RGS20: variants seen among roughly 807,000 people sequenced by gnomAD.
RGS20 encodes the protein gz-selective GTPase-activating protein.
RGS20 carries 30 observed loss-of-function variants against 33.6 expected under a neutral mutation model. The observed-to-expected ratio is 0.89, with a 90% CI of 0.67 to 1.21. RGS20 has a LOEUF of 1.21. Ranked by LOEUF, RGS20 falls within the 50% of genes most tolerant of loss-of-function variation. RGS20 has a pLI of 0.00. For missense variants in RGS20, 472 were observed against 502.4 expected, an observed-to-expected ratio of 0.94 and a Z score of 0.58; for synonymous variants, 208 against 197.9, an observed-to-expected ratio of 1.05 and a Z score of -0.43.
intron 1 of RGS20, among the ~76,000 whole-genome samples, chr8:53,875,806 T>C (rs1410204047): frequency 6.6e-6 from 1 of 152,230 alleles, no homozygotes; most frequent in Non-Finnish European, 1.5e-5. Flanking sequence ...TTAAGAGTTG[T>C]ATGTTCACAA....
At chr8:53,937,152 G>A (rs1031048896) in intron 2 of RGS20, among the ~76,000 whole-genome samples, 1 of 152,042 alleles carries the variant, frequency 6.6e-6, no homozygotes, top group Non-Finnish European at 1.5e-5. Context: ...GGAGTTGGGG[G>A]GAGAGGGGAA....
At chr8:53,901,821 G>GCACTC (rs145856103) in intron 2 of RGS20, among the ~76,000 whole-genome samples, 2,856 of 152,198 alleles carry the variant, frequency 0.019, 88 homozygotes, top group African/African-American at 0.064. Context: ...AATAGCCACT[G>GCACTC]CACTCCACTG....
At position 53,958,286 on chromosome 8, in the gene RGS20, G is replaced by C; in HGVS notation, c.995G>C (p.Arg332Pro). The change falls in exon 6 of 6, where the codon CGG becomes CCG. Residue 332 changes from arginine to proline, a missense_variant. Physicochemically the swap from Arg to Pro is moderately radical, Grantham distance 103 (BLOSUM62 -2). Transcript: ENST00000297313. ...TGTCGACAGGTGAGCTTAGACTCCC[G>C]GGTGAGAGAAGTGATCAACAGAAAC... 1 of 1,611,756 alleles carries C rather than the reference G, an allele frequency of 6.2e-7. No individual in the cohort carries two copies. The highest frequency in any genetic ancestry group is 8.5e-7 in the Non-Finnish European group (1 of 1,178,800).
At chr8:53,921,265 G>A (rs1300900804) in intron 2 of RGS20, among the ~76,000 whole-genome samples, 1 of 152,056 alleles carries the variant, frequency 6.6e-6, no homozygotes, top group Non-Finnish European at 1.5e-5. Context: ...GATGATTATG[G>A]TGTCTTTATT....
At chr8:53,879,854 G>T (rs190560098) in intron 2 of RGS20, 2 of 415,066 alleles carry the variant, frequency 4.8e-6, no homozygotes, top group Admixed American at 8.5e-5. Flanking sequence ...CATGGTCCAA[G>T]AAAACGGGAG....
Position 53,890,725 on chromosome 8 carries a change from G to A in RGS20, c.510+11123G>A, listed in dbSNP as rs1036755597. Among the ~76,000 whole-genome samples the A allele has an allele frequency of 5.3e-5, 8 of 152,136 alleles. No homozygotes were observed. The South Asian group carries it at 8.3e-4, about 16-fold the overall frequency. On this transcript the variant is annotated intron_variant, in intron 2 of 5. Coordinates refer to ENST00000297313, the MANE Select transcript of RGS20 (RefSeq NM_170587.4). ...CACCATTATAACCTAGAATTCCTGG[G>A]CTCAAGCAGTCCTCCCACTTCAACC...
intron 3 of RGS20, among the ~76,000 whole-genome samples, chr8:53,943,931 TGAAA>T (rs1814382559): frequency 6.6e-6 from 1 of 151,838 alleles, no homozygotes; most frequent in Non-Finnish European, 1.5e-5. Context: ...CCTGACATCA[TGAAA>T]GAAAGAAGTC....
intron 3 of RGS20, among the ~76,000 whole-genome samples, chr8:53,942,273 C>T (rs1814321074): frequency 6.6e-6 from 1 of 151,384 alleles, no homozygotes; most frequent in Non-Finnish European, 1.5e-5. Context: ...AACTCCATCT[C>T]AAAAAAATAA....
intron 3 of RGS20, among the ~76,000 whole-genome samples, chr8:53,940,205 A>G (rs147413639): frequency 2.0e-5 from 3 of 152,330 alleles, no homozygotes; most frequent in South Asian, 4.1e-4. Flanking sequence ...AGAGAGAAAT[A>G]TTAAAATATA....
rs1176232988 is a variant in RGS20 at position 53,947,218 on chromosome 8, T to TTATACACGCTATATAAGATATAGCA, written c.743+473_743+474insACACGCTATATAAGATATAGCATAT. On this transcript the variant is annotated intron_variant, in intron 4 of 5. Transcript: ENST00000297313. ...ACACGCTATATAAGATATAGCATAT[T>TTATACACGCTATATAAGATATAGCA]TATTTATACATGCTATATAAGATAT... 8.9e-3 allele frequency among the ~76,000 whole-genome samples: 1,269 copies of TTATACACGCTATATAAGATATAGCA among 141,800 alleles called. 34 individuals carry two copies. Among genetic ancestry groups the TTATACACGCTATATAAGATATAGCA allele is most frequent in the African/African-American group, 0.032 (1,203 of 37,582 alleles). The allele number at this position is 141,800 out of a possible 152,430, so 93.0% of individuals were successfully genotyped here. A position where few individuals can be genotyped will look rare whatever the true frequency, so the allele number is the denominator to read the frequency against.
intron 2 of RGS20, among the ~76,000 whole-genome samples, chr8:53,912,736 AATTT>A (rs1197610563): frequency 6.6e-6 from 1 of 152,094 alleles, no homozygotes; most frequent in Non-Finnish European, 1.5e-5. Flanking sequence ...ATGATTTTTT[AATTT>A]ATTAGTGAGT....
At chr8:53,884,776 C>A (rs543570688) in intron 2 of RGS20, among the ~76,000 whole-genome samples, 1 of 152,308 alleles carries the variant, frequency 6.6e-6, no homozygotes, top group South Asian at 2.1e-4. Context: ...ATCTCTAGCA[C>A]CAAGAAGGAC....
At chr8:53,956,522 G>C (rs1036806166) in intron 5 of RGS20, among the ~76,000 whole-genome samples, 2 of 152,182 alleles carry the variant, frequency 1.3e-5, no homozygotes, top group African/African-American at 2.4e-5. Context: ...GCCTAGCTAG[G>C]CCAGCTGAAG....
chr8:53,949,234 A>ATG, intron 4 of RGS20, among the ~76,000 whole-genome samples: 3 of 147,124 alleles, frequency 2.0e-5, no homozygotes, highest in African/African-American at 7.4e-5. Flanking sequence ...TATATACTAT[A>ATG]TATAAGATAC....
chr8:53,956,850 T>G (rs1402511555), intron 5 of RGS20, among the ~76,000 whole-genome samples: 1 of 152,144 alleles, frequency 6.6e-6, no homozygotes, highest in Non-Finnish European at 1.5e-5. Flanking sequence ...TTTAAAGTAT[T>G]ATACAACCAA....
rs1445147493 is a variant in RGS20 at position 53,939,591 on chromosome 8, C to G, written c.526C>G (p.Arg176Gly). ...CCTCTTGCAGCAGATGGGATCAGAG[C>G]GGATGGAGATGCGGAAGCGGCAGAT... is the stretch of plus-strand genomic sequence containing the variant. The change falls in exon 3 of 6, where the codon CGG becomes GGG. Residue 176 changes from arginine to glycine, a missense_variant. Physicochemically the swap from Arg to Gly is moderately radical, Grantham distance 125. Coordinates refer to ENST00000297313, the MANE Select transcript of RGS20 (RefSeq NM_170587.4). The G allele has an allele frequency of 6.2e-7, 1 of 1,600,066 alleles. No individual in the cohort carries two copies. The highest frequency in any genetic ancestry group is 8.5e-7 in the Non-Finnish European group (1 of 1,173,838).
chr8:53,880,781 A>T, intron 2 of RGS20, 91 bp from the exon 1 acceptor site: 4 of 1,183,206 alleles, frequency 3.4e-6, no homozygotes, highest in Non-Finnish European at 4.4e-6. Flanking sequence ...TACCCCTAGC[A>T]CCCGCGGCGG....
intron 2 of RGS20, among the ~76,000 whole-genome samples, chr8:53,929,230 T>C (rs937501210): frequency 2.0e-5 from 3 of 152,220 alleles, no homozygotes; most frequent in Non-Finnish European, 4.4e-5. Flanking sequence ...ACCATCTTGA[T>C]TGTGATGATG....
At chr8:53,896,688 C>G (rs1812871417) in intron 2 of RGS20, among the ~76,000 whole-genome samples, 1 of 152,108 alleles carries the variant, frequency 6.6e-6, no homozygotes, top group South Asian at 2.1e-4. Context: ...GAAATAAAAT[C>G]AAAGGACCCA....
Sources: allele counts gnomAD v4.1 joint callset (sites outside exome capture counted in the v4.1 genomes callset), GRCh38; gene constraint gnomAD v4.1.1; transcripts MANE v1.5; gene names NCBI Gene and HGNC (gene_info 2026-07-23, HGNC 2026-07-21).